MARCHF8: variants seen among roughly 807,000 people sequenced by gnomAD.
MARCHF8 encodes the protein membrane associated ring-CH-type finger 8.
A neutral mutation model predicts 51.6 loss-of-function variants in MARCHF8; 40 were observed. The ratio of observed to expected loss-of-function variants is 0.77; its 90% confidence interval spans 0.60 to 1.01. MARCHF8 has a LOEUF of 1.01. Among genes scored for constraint, MARCHF8 ranks in the 50% least tolerant of loss-of-function variants. MARCHF8 has a pLI of 0.00. For missense variants in MARCHF8, 685 were observed against 708.6 expected, an observed-to-expected ratio of 0.97 and a Z score of 0.38; for synonymous variants, 263 against 280.3, an observed-to-expected ratio of 0.94 and a Z score of 0.62.
At chr10:45,581,715 A>G (rs937801478) in intron 1 of MARCHF8, among the ~76,000 whole-genome samples, 46 of 152,318 alleles carry the variant, frequency 3.0e-4, no homozygotes, top group East Asian at 9.6e-4. Context: ...TTAGCTGTGT[A>G]TCTCAACAGG....
chr10:45,455,422 C>T lies in MARCHF8; in HGVS notation c.*2817G>A, dbSNP rs1253443228. 6.6e-6 allele frequency: 1 copy of T among 152,190 alleles called. No homozygotes were observed. Among genetic ancestry groups the T allele is most frequent in the Admixed American group, 6.5e-5 (1 of 15,272 alleles). 9.4% of individuals were successfully genotyped at this position (152,190 alleles called of 1,614,324 possible). A position where few individuals can be genotyped will look rare whatever the true frequency, so the allele number is the denominator to read the frequency against. ...GAGGGCTGGCTGGTGATACCCCAGACCACTTGCCTCTTCCCCTTCCCTGGC... is the reference window on the plus strand; with the variant it reads ...GAGGGCTGGCTGGTGATACCCCAGATCACTTGCCTCTTCCCCTTCCCTGGC... On this transcript the variant is annotated 3_prime_UTR_variant, in exon 8 of 8. Coordinates refer to ENST00000453424, the MANE Select transcript of MARCHF8 (RefSeq NM_001282866.2).
chr10:45,532,328 A>G (rs1198410559), intron 2 of MARCHF8, among the ~76,000 whole-genome samples: 1 of 152,172 alleles, frequency 6.6e-6, no homozygotes. Flanking sequence ...ACTGTTGGAC[A>G]TTTTCCTTTT....
At chr10:45,551,840 TACACAC>T (rs139172803) in intron 1 of MARCHF8, among the ~76,000 whole-genome samples, 13 of 148,552 alleles carry the variant, frequency 8.8e-5, no homozygotes, top group South Asian at 2.1e-4. Flanking sequence ...GGTATATCTG[TACACAC>T]ACACACACAC....
chr10:45,543,496 T>G lies in MARCHF8; in HGVS notation c.-78-10207A>C, dbSNP rs74406199. ...GGGAAAAATACTTGACAATCATATATCTGATAAAAGACTTGTATCTGGCCG... is the reference window on the plus strand; with the variant it reads ...GGGAAAAATACTTGACAATCATATAGCTGATAAAAGACTTGTATCTGGCCG... On this transcript the variant is annotated intron_variant, in intron 1 of 6. Transcript: ENST00000319836. Among the ~76,000 whole-genome samples, 2,263 of 152,224 alleles carry G rather than the reference T, an allele frequency of 0.015. 171 individuals carry two copies. In the East Asian group the frequency reaches 0.24, roughly 16 times the overall value.
Position 45,455,383 on chromosome 10 carries a change from G to A in MARCHF8, c.*2856C>T, listed in dbSNP as rs565175110. Reference sequence around the variant, plus strand: ...ATGGTACTGTGACTTATGGGGAGTAGAGGCCAAATCAGAGAGGGCTGGCTG... The same window carrying A: ...ATGGTACTGTGACTTATGGGGAGTAAAGGCCAAATCAGAGAGGGCTGGCTG... On this transcript the variant is annotated 3_prime_UTR_variant, in exon 8 of 8. Coordinates refer to ENST00000453424, the MANE Select transcript of MARCHF8 (RefSeq NM_001282866.2). 6.6e-6 allele frequency: 1 copy of A among 152,382 alleles called. No homozygotes were observed. The highest frequency in any genetic ancestry group is 1.5e-5 in the Non-Finnish European group (1 of 68,046). 9.4% of individuals were successfully genotyped at this position (152,382 alleles called of 1,614,324 possible).
At position 45,547,602 on chromosome 10, in the gene MARCHF8, A is replaced by AGGT. The variant is rs1320031896; in HGVS notation, c.-78-14314_-78-14313insACC. Among the ~76,000 whole-genome samples the AGGT allele has an allele frequency of 4.6e-5, 7 of 152,310 alleles. No individual in the cohort carries two copies. The East Asian group carries it at 1.3e-3, about 29-fold the overall frequency. On this transcript the variant is annotated intron_variant, in intron 1 of 6. Coordinates refer to the MARCHF8 transcript ENST00000319836. ...TGCAGCAACCGATCAGGTGAACCTA[A>AGGT]AATATGTAGCGGTTTTTTTGTTTTT... is the stretch of plus-strand genomic sequence containing the variant.
At chr10:45,551,997 G>A (rs2044201205) in intron 1 of MARCHF8, among the ~76,000 whole-genome samples, 1 of 152,078 alleles carries the variant, frequency 6.6e-6, no homozygotes. Flanking sequence ...CTGGAGTGTT[G>A]CATATTTTTT....
At chr10:45,556,018 C>A (rs564398240) in intron 1 of MARCHF8, among the ~76,000 whole-genome samples, 1 of 152,200 alleles carries the variant, frequency 6.6e-6, no homozygotes, top group South Asian at 2.1e-4. Flanking sequence ...ATCTTGCATG[C>A]CCATGATTAA....
At chr10:45,521,714 C>A (rs550167320) in intron 2 of MARCHF8, among the ~76,000 whole-genome samples, 6 of 152,280 alleles carry the variant, frequency 3.9e-5, no homozygotes, top group African/African-American at 1.4e-4. Context: ...TTGTCTACTG[C>A]GACGCTTTCT....
intron 2 of MARCHF8, among the ~76,000 whole-genome samples, chr10:45,528,216 T>G (rs1235569397): frequency 6.6e-6 from 1 of 152,072 alleles, no homozygotes; most frequent in Non-Finnish European, 1.5e-5. Flanking sequence ...CTCTTACCAC[T>G]CCTACTCAAC....
chr10:45,510,603 C>T (rs542700365), intron 2 of MARCHF8, among the ~76,000 whole-genome samples: 3 of 152,176 alleles, frequency 2.0e-5, no homozygotes, highest in East Asian at 1.9e-4. Flanking sequence ...TTTAAAGTAA[C>T]GTCAAAATGC....
At chr10:45,567,493 A>G (rs1408356544) in intron 1 of MARCHF8, among the ~76,000 whole-genome samples, 1 of 152,204 alleles carries the variant, frequency 6.6e-6, no homozygotes, top group African/African-American at 2.4e-5. Context: ...TCTTCTGCAT[A>G]TGGATATCCA....
rs1842679136 is a variant in MARCHF8 at position 45,458,427 on chromosome 10, T to C, written c.1534A>G (p.Lys512Glu). The change falls in exon 8 of 8, where the codon AAG becomes GAG. Residue 512 changes from lysine to glutamate, a missense_variant. Lys to Glu is a moderately conservative substitution (Grantham distance 56, BLOSUM62 1). Transcript: ENST00000453424. Reference protein sequence around the residue: ...KVYVQLWKRLKAYNRVIYVQN... With the variant: ...KVYVQLWKRLEAYNRVIYVQN... ...ACATAGATCACTCTATTATAGGCCT[T>C]GAGTCTCTTCCACAATTGCACATAC... 2 of 1,614,068 alleles carry C rather than the reference T, an allele frequency of 1.2e-6. No homozygotes were observed. The highest frequency in any genetic ancestry group is 2.7e-5 in the African/African-American group (2 of 74,918).
At position 45,530,763 on chromosome 10, in the gene MARCHF8, A is replaced by C. The variant is rs555427439; in HGVS notation, c.102+2347T>G. Among the ~76,000 whole-genome samples the C allele has an allele frequency of 2.5e-3, 386 of 152,322 alleles. 1 individual carries two copies. Among genetic ancestry groups the C allele is most frequent in the African/African-American group, 8.8e-3 (367 of 41,564 alleles). On this transcript the variant is annotated intron_variant, in intron 2 of 7. Transcript: ENST00000453424. ...ATGCTAGCCTGGGCAACAGAGCAAG[A>C]TCTGTACTCAAAAATAAGTAAAAAA...
intron 1 of MARCHF8, among the ~76,000 whole-genome samples, chr10:45,557,116 CTTTTTTTT>C (rs58172142): frequency 4.5e-5 from 3 of 66,208 alleles, no homozygotes; most frequent in African/African-American, 2.0e-4. Flanking sequence ...GGTGCCTATT[CTTTTTTTT>C]TTTTTTTTTT....
upstream of MARCHF8, among the ~76,000 whole-genome samples, chr10:45,538,048 G>T (rs2043998151): frequency 6.6e-6 from 1 of 152,132 alleles, no homozygotes; most frequent in African/African-American, 2.4e-5. Flanking sequence ...CCAGTTTTAA[G>T]AAGGCGATAG....
Position 45,509,885 on chromosome 10 carries a change from A to C in MARCHF8, c.103-20468T>G, listed in dbSNP as rs189568240. ...GTAACAAGAGGCTTTAAAAAATCCA[A>C]TCTGAGATTCCTAAAGAAAACGTGC... is the stretch of plus-strand genomic sequence containing the variant. On this transcript the variant is annotated intron_variant, in intron 2 of 7. Transcript: ENST00000453424. Among the ~76,000 whole-genome samples, 49 of 152,324 alleles carry C rather than the reference A, an allele frequency of 3.2e-4. 1 individual carries two copies. Among genetic ancestry groups the C allele is most frequent in the Admixed American group, 2.7e-3 (41 of 15,298 alleles).
chr10:45,495,576 G>T (rs1393280082), intron 2 of MARCHF8, among the ~76,000 whole-genome samples: 1 of 152,062 alleles, frequency 6.6e-6, no homozygotes, highest in Admixed American at 6.5e-5. Context: ...GACAAATGAG[G>T]CTGCCATAAA....
chr10:45,532,956 C>A (rs2043911378), intron 2 of MARCHF8, among the ~76,000 whole-genome samples, 154 bp downstream of exon 2: 1 of 152,124 alleles, frequency 6.6e-6, no homozygotes, highest in South Asian at 2.1e-4. Flanking sequence ...TAGAAATCTA[C>A]AAAAAGACAA....
Sources: gnomAD v4.1 joint callset for allele counts (sites outside exome capture counted in the v4.1 genomes callset) on GRCh38, gnomAD v4.1.1 for gene constraint, MANE v1.5 for transcripts, NCBI Gene and HGNC (gene_info 2026-07-23, HGNC 2026-07-21) for gene names.